MAGI1: variants seen among roughly 807,000 people sequenced by gnomAD.
The protein encoded by MAGI1 is membrane-associated guanylate kinase, WW and PDZ domain-containing protein 1.
In MAGI1, 58 loss-of-function variants were observed where a neutral mutation model predicts 139.9. The observed-to-expected ratio is 0.41, with a 90% CI of 0.34 to 0.52. MAGI1 has a LOEUF of 0.52. Ranked by LOEUF, MAGI1 falls within the 20% of genes least tolerant of loss-of-function variation. The probability of loss-of-function intolerance (pLI) is 0.12; values close to 1 mark genes in which losing one functional copy is unlikely to be tolerated. For missense variants in MAGI1, 1,874 were observed against 1,901.6 expected (o/e 0.99, Z 0.27); for synonymous variants, 812 against 737.9 (o/e 1.10, Z -1.63).
intron 5 of MAGI1, chr3:65,469,611 C>G (rs992159161): frequency 2.0e-5 from 3 of 151,746 alleles, no homozygotes. Flanking sequence ...TTGCGCATTA[C>G]AGACCTAAAC....
intron 1 of MAGI1, among the ~76,000 whole-genome samples, chr3:65,992,829 ATTG>A (rs943019561): frequency 6.6e-6 from 1 of 151,736 alleles, no homozygotes; most frequent in African/African-American, 2.4e-5. Flanking sequence ...CTTTATTTTT[ATTG>A]TTGTTGTTGT....
chr3:65,477,819 C>A (rs1187904360), intron 4 of MAGI1, among the ~76,000 whole-genome samples: 1 of 151,162 alleles, frequency 6.6e-6, no homozygotes, highest in Non-Finnish European at 1.5e-5. Flanking sequence ...CTTCAGGGAA[C>A]ACACATCATA....
intron 2 of MAGI1, among the ~76,000 whole-genome samples, chr3:65,608,041 T>TTC: frequency 6.6e-6 from 1 of 152,124 alleles, no homozygotes; most frequent in Admixed American, 6.5e-5. Flanking sequence ...TAGAAGCAGC[T>TTC]CAAAAAGGTT....
At chr3:65,514,401 C>A (rs1459650159) in intron 2 of MAGI1, among the ~76,000 whole-genome samples, 1 of 108,336 alleles carries the variant, frequency 9.2e-6, no homozygotes, top group African/African-American at 3.5e-5. Flanking sequence ...ATTTTTGCAA[C>A]CTACTCATCT....
intron 1 of MAGI1, among the ~76,000 whole-genome samples, chr3:65,912,495 T>C (rs2061713315): frequency 1.3e-5 from 2 of 152,178 alleles, no homozygotes; most frequent in Admixed American, 6.5e-5. Flanking sequence ...TTTCGTCTAA[T>C]AAACAAGTAC....
intron 1 of MAGI1, among the ~76,000 whole-genome samples, chr3:65,792,358 G>C (rs57732030): frequency 1.1e-3 from 172 of 152,068 alleles, no homozygotes; most frequent in East Asian, 5.0e-3. Context: ...CCAGCTACTC[G>C]GGAGGCTGAG....
At chr3:65,467,147 C>T (rs1342559760) in intron 5 of MAGI1, among the ~76,000 whole-genome samples, 5 of 152,208 alleles carry the variant, frequency 3.3e-5, no homozygotes, top group African/African-American at 1.2e-4. Flanking sequence ...GTCTTATTTG[C>T]TCTTCCTTTC....
chr3:65,914,403 T>C (rs1223658521), intron 1 of MAGI1, among the ~76,000 whole-genome samples: 2 of 152,104 alleles, frequency 1.3e-5, no homozygotes, highest in Non-Finnish European at 2.9e-5. Flanking sequence ...CATCACAAAT[T>C]CAAATGCCAT....
At chr3:65,686,182 AC>A (rs1184601555) in intron 1 of MAGI1, among the ~76,000 whole-genome samples, 1 of 151,918 alleles carries the variant, frequency 6.6e-6, no homozygotes, top group Non-Finnish European at 1.5e-5. Flanking sequence ...GTCATATCAC[AC>A]CTATGAGTCA....
chr3:65,853,167 A>C (rs1028030814), intron 1 of MAGI1, among the ~76,000 whole-genome samples: 3 of 151,432 alleles, frequency 2.0e-5, no homozygotes, highest in Non-Finnish European at 4.4e-5. Context: ...ACTCCGTCTC[A>C]AGAAAAAAAA....
chr3:65,784,615 G>C (rs1475680289), intron 1 of MAGI1, among the ~76,000 whole-genome samples: 1 of 152,180 alleles, frequency 6.6e-6, no homozygotes, highest in African/African-American at 2.4e-5. Context: ...TGAGGCAGGA[G>C]AATGGCGTGA....
At chr3:65,643,713 A>G (rs1200227648) in intron 1 of MAGI1, among the ~76,000 whole-genome samples, 1 of 152,180 alleles carries the variant, frequency 6.6e-6, no homozygotes, top group Non-Finnish European at 1.5e-5. Flanking sequence ...AGAATTAGGG[A>G]AGAAGGAGGG....
chr3:65,777,768 G>A (rs1475790810), intron 1 of MAGI1, among the ~76,000 whole-genome samples: 1 of 152,170 alleles, frequency 6.6e-6, no homozygotes, highest in South Asian at 2.1e-4. Context: ...TGACTGCAGT[G>A]CTGTGTAATT....
intron 1 of MAGI1, chr3:65,844,003 G>T (rs1209179731): frequency 2.8e-5 from 9 of 319,312 alleles, no homozygotes; most frequent in Non-Finnish European, 5.5e-5. Context: ...GCCATCGAGG[G>T]TATGCAGATA....
intron 1 of MAGI1, among the ~76,000 whole-genome samples, chr3:65,762,002 A>C (rs2037070378): frequency 6.6e-6 from 1 of 152,150 alleles, no homozygotes; most frequent in Admixed American, 6.6e-5. Context: ...ACACCTCAAT[A>C]GAGCAGACTG....
chr3:65,606,443 C>A (rs1369554031), intron 2 of MAGI1, among the ~76,000 whole-genome samples: 1 of 151,550 alleles, frequency 6.6e-6, no homozygotes, highest in East Asian at 1.9e-4. Flanking sequence ...CAGGCTCAAG[C>A]AATCCTCCCA....
At chr3:65,650,091 C>T (rs552004879) in intron 1 of MAGI1, among the ~76,000 whole-genome samples, 1 of 152,266 alleles carries the variant, frequency 6.6e-6, no homozygotes, top group Admixed American at 6.5e-5. Flanking sequence ...GACTGGATTA[C>T]TGCTATTATT....
intron 10 of MAGI1, among the ~76,000 whole-genome samples, chr3:65,436,549 A>C (rs1019062627): frequency 1.4e-4 from 21 of 152,218 alleles, no homozygotes; most frequent in African/African-American, 4.8e-4. Flanking sequence ...AGAATAGGGA[A>C]TGAGAACTGA....
At chr3:66,011,869 G>A (rs1437777474) in intron 1 of MAGI1, among the ~76,000 whole-genome samples, 1 of 150,152 alleles carries the variant, frequency 6.7e-6, no homozygotes, top group East Asian at 2.0e-4. Flanking sequence ...ATGAGAGATA[G>A]TGAAGTATGG....
Sources: allele counts gnomAD v4.1 joint callset (sites outside exome capture counted in the v4.1 genomes callset), GRCh38; gene constraint gnomAD v4.1.1; transcripts MANE v1.5; gene names NCBI Gene and HGNC (gene_info 2026-07-23, HGNC 2026-07-21).